Variants in GMDS observed in about 807,000 individuals in gnomAD.
GMDS encodes GDP-mannose 4,6 dehydratase.
In GMDS, 20 loss-of-function variants were observed where a neutral mutation model predicts 49.9. The ratio of observed to expected loss-of-function variants is 0.40; its 90% CI spans 0.28 to 0.58. GMDS has a LOEUF of 0.58. GMDS is among the 20% of genes least tolerant of loss of function. The probability of loss-of-function intolerance (pLI) is 0.42; values close to 1 mark genes in which losing one functional copy is unlikely to be tolerated. For synonymous variants in GMDS, 177 were observed against 178.6 expected (o/e 0.99, Z 0.07); for missense variants, 362 against 481.4 (o/e 0.75, Z 2.32).
At chr6:2,076,994 G>A (rs1772382679) in intron 4 of GMDS, among the ~76,000 whole-genome samples, 1 of 151,996 alleles carries the variant, frequency 6.6e-6, no homozygotes, top group South Asian at 2.1e-4. Flanking sequence ...TTTGTAGTTT[G>A]CTTTGTCGAA....
intron 1 of GMDS, among the ~76,000 whole-genome samples, chr6:2,223,111 C>G (rs1441190069): frequency 1.3e-5 from 2 of 151,392 alleles, no homozygotes; most frequent in African/African-American, 4.9e-5. Context: ...ATCAATCAAT[C>G]AATCAATCAA....
chr6:2,229,576 A>C (rs77928487), intron 1 of GMDS, among the ~76,000 whole-genome samples: 1 of 151,238 alleles, frequency 6.6e-6, no homozygotes, highest in Non-Finnish European at 1.5e-5. Flanking sequence ...AGAGCAAGAC[A>C]AAAAAAAAGT....
chr6:1,784,235 T>C (rs1184042447), intron 7 of GMDS, among the ~76,000 whole-genome samples: 2 of 150,784 alleles, frequency 1.3e-5, no homozygotes, highest in Non-Finnish European at 3.0e-5. Flanking sequence ...CTACTGAAAA[T>C]ATAAAAATTG....
intron 4 of GMDS, among the ~76,000 whole-genome samples, chr6:1,971,753 G>A (rs1764627248): frequency 1.3e-5 from 2 of 152,336 alleles, no homozygotes; most frequent in Admixed American, 1.3e-4. Flanking sequence ...TAGCACACAG[G>A]AGGGCTGGAA....
At chr6:1,677,784 C>T (rs1764671658) in intron 9 of GMDS, among the ~76,000 whole-genome samples, 2 of 117,898 alleles carry the variant, frequency 1.7e-5, no homozygotes, top group Admixed American at 1.2e-4. Flanking sequence ...CATCACACAC[C>T]GGTACCTGTC....
chr6:1,854,131 A>G (rs949843467), intron 7 of GMDS, among the ~76,000 whole-genome samples: 10 of 152,358 alleles, frequency 6.6e-5, no homozygotes, highest in African/African-American at 2.2e-4. Flanking sequence ...GGTAGCAGAA[A>G]TGCTTTTATT....
At chr6:1,872,909 T>C (rs1046455386) in intron 7 of GMDS, among the ~76,000 whole-genome samples, 2 of 152,250 alleles carry the variant, frequency 1.3e-5, no homozygotes, top group Non-Finnish European at 2.9e-5. Flanking sequence ...CGCCTTGCTG[T>C]TGTAAGCAGC....
At chr6:2,146,389 G>C (rs1470118230) in intron 1 of GMDS, among the ~76,000 whole-genome samples, 1 of 152,184 alleles carries the variant, frequency 6.6e-6, no homozygotes, top group Non-Finnish European at 1.5e-5. Context: ...CAGGGCAAGA[G>C]GAAGGAAGAC....
At chr6:2,149,674 C>T (rs535556499) in intron 1 of GMDS, among the ~76,000 whole-genome samples, 86 of 152,360 alleles carry the variant, frequency 5.6e-4, no homozygotes, top group African/African-American at 2.0e-3. Flanking sequence ...AGTGCATTTA[C>T]AAAGAGGGCT....
chr6:2,116,646 T>C (rs1774867551), intron 3 of GMDS, among the ~76,000 whole-genome samples: 1 of 152,216 alleles, frequency 6.6e-6, no homozygotes, highest in Non-Finnish European at 1.5e-5. Flanking sequence ...TCACTACCTA[T>C]ACAAGTAGCC....
At chr6:1,926,790 G>T (rs1165200653) in intron 7 of GMDS, among the ~76,000 whole-genome samples, 1 of 152,162 alleles carries the variant, frequency 6.6e-6, no homozygotes. Flanking sequence ...TTTAGACTTT[G>T]TTCAGAACAC....
At chr6:1,717,266 CAACA>C in intron 9 of GMDS, among the ~76,000 whole-genome samples, 1 of 152,298 alleles carries the variant, frequency 6.6e-6, no homozygotes, top group East Asian at 1.9e-4. Context: ...AATAGTAAAC[CAACA>C]TAGATTTTAG....
At chr6:2,223,099 AAATCAATCAATC>A (rs150773580) in intron 1 of GMDS, among the ~76,000 whole-genome samples, 25 of 151,292 alleles carry the variant, frequency 1.7e-4, no homozygotes, top group African/African-American at 4.6e-4. Flanking sequence ...CAATTCCTTC[AAATCAATCAATC>A]AATCAATCAA....
Position 2,191,172 on chromosome 6 carries a change from TC to T in GMDS, c.102+54148del, listed in dbSNP as rs1778998392. 6.6e-6 allele frequency among the ~76,000 whole-genome samples: 1 copy of T among 151,334 alleles called. No homozygotes were observed. The highest frequency in any genetic ancestry group is 2.4e-5 in the African/African-American group (1 of 41,136). ...CTGCACAGGGCCACCCACAGCCATG[TC>T]CCCAGGGGTCCGCCCCGCATGGGGT... On this transcript the variant is annotated intron_variant, in intron 1 of 10. Coordinates refer to ENST00000380815, the MANE Select transcript of GMDS (RefSeq NM_001500.4). The surrounding 1 kb of genome is among the most constrained non-coding windows in gnomAD (Gnocchi z 4.6).
intron 4 of GMDS, among the ~76,000 whole-genome samples, chr6:2,054,914 T>G (rs1303194610): frequency 6.6e-6 from 1 of 152,010 alleles, no homozygotes; most frequent in African/African-American, 2.4e-5. Context: ...CAGAGAAGGA[T>G]CTTCAACCAG....
intron 1 of GMDS, among the ~76,000 whole-genome samples, chr6:2,127,723 C>T (rs9503101): frequency 0.11 from 16,758 of 152,248 alleles, 3,055 homozygotes; most frequent in African/African-American, 0.38. Context: ...GCCGCCCCCT[C>T]GTCCTTTCCC....
At chr6:1,735,589 C>T (rs1267585243) in intron 8 of GMDS, among the ~76,000 whole-genome samples, 1 of 152,180 alleles carries the variant, frequency 6.6e-6, no homozygotes, top group African/African-American at 2.4e-5. Flanking sequence ...GGCTGTTCCA[C>T]CCTCGCTCAT....
At chr6:1,975,363 A>G (rs1264274098) in intron 4 of GMDS, among the ~76,000 whole-genome samples, 1 of 152,240 alleles carries the variant, frequency 6.6e-6, no homozygotes, top group Non-Finnish European at 1.5e-5. Context: ...TTCAGAAAGC[A>G]GTAACACTGA....
chr6:2,156,181 T>C (rs751212320), intron 1 of GMDS, among the ~76,000 whole-genome samples: 1 of 152,254 alleles, frequency 6.6e-6, no homozygotes, highest in African/African-American at 2.4e-5. Flanking sequence ...ATAAATATAT[T>C]ATAGAGCGTC....
Sources: allele counts gnomAD v4.1 joint callset (sites outside exome capture counted in the v4.1 genomes callset), GRCh38; gene constraint gnomAD v4.1.1; non-coding constraint Gnocchi (gnomAD v3.1); transcripts MANE v1.5; gene names NCBI Gene and HGNC (gene_info 2026-07-23, HGNC 2026-07-21).